Variants in SGCD observed in about 807,000 individuals in gnomAD.
SGCD encodes the protein delta-sarcoglycan.
A neutral mutation model predicts 36.6 loss-of-function variants in SGCD; 18 were observed. That is an observed-to-expected ratio of 0.49 (90% CI 0.34 to 0.73). The LOEUF is 0.73. Ranked by LOEUF, SGCD falls within the 30% of genes least tolerant of loss-of-function variation. The pLI is 0.01. For synonymous variants in SGCD, 133 were observed against 130.6 expected, an observed-to-expected ratio of 1.02 and a Z score of -0.12; for missense variants, 387 against 346.7, an observed-to-expected ratio of 1.12 and a Z score of -0.92.
chr5:156,522,308 G>A (rs978786175), intron 4 of SGCD, among the ~76,000 whole-genome samples: 4 of 152,014 alleles, frequency 2.6e-5, no homozygotes, highest in East Asian at 1.9e-4. Flanking sequence ...AAACCTGCAC[G>A]TTGTGCACAT....
intron 1 of SGCD, among the ~76,000 whole-genome samples, chr5:155,972,104 A>T (rs913154131): frequency 2.6e-5 from 4 of 152,206 alleles, no homozygotes; most frequent in African/African-American, 9.6e-5. Context: ...CATATGCCAA[A>T]AGCCTTTTAA....
chr5:155,784,717 G>T, the SGCD span, among the ~76,000 whole-genome samples: 1 of 146,098 alleles, frequency 6.8e-6, no homozygotes, highest in Non-Finnish European at 1.5e-5. Context: ...AAGAGTATAT[G>T]TTAAAAGTGT....
intron 1 of SGCD, among the ~76,000 whole-genome samples, chr5:156,110,537 C>T (rs949312512): frequency 6.6e-6 from 1 of 151,702 alleles, no homozygotes; most frequent in Non-Finnish European, 1.5e-5. Flanking sequence ...TGAGGGTTCT[C>T]GGGGACTGTA....
intron 1 of SGCD, among the ~76,000 whole-genome samples, chr5:155,981,805 G>A (rs1758235174): frequency 6.6e-6 from 1 of 152,152 alleles, no homozygotes; most frequent in African/African-American, 2.4e-5. Context: ...GAATTCTTTT[G>A]AGACTTGGCA....
intron 1 of SGCD, among the ~76,000 whole-genome samples, chr5:155,968,369 A>G (rs1757942234): frequency 6.6e-6 from 1 of 152,114 alleles, no homozygotes; most frequent in African/African-American, 2.4e-5. Context: ...CTATATGAGT[A>G]TATATAAATA....
chr5:155,948,896 C>T (rs550352724), intron 1 of SGCD, among the ~76,000 whole-genome samples: 1 of 152,256 alleles, frequency 6.6e-6, no homozygotes, highest in East Asian at 1.9e-4. Flanking sequence ...TTTGGCTGAA[C>T]TAATTAGTCA....
At chr5:156,661,786 C>T (rs1043544808) in intron 7 of SGCD, among the ~76,000 whole-genome samples, 2 of 151,780 alleles carry the variant, frequency 1.3e-5, no homozygotes, top group Non-Finnish European at 2.9e-5. Context: ...CTAACTTGTT[C>T]CTTGGTTAAA....
chr5:156,013,027 T>G (rs1408725822), intron 1 of SGCD, among the ~76,000 whole-genome samples: 1 of 149,938 alleles, frequency 6.7e-6, no homozygotes, highest in African/African-American at 2.4e-5. Context: ...TTTAGGTGTT[T>G]TTTTTTTTTT....
chr5:156,592,477 G>C (rs1346290468), intron 5 of SGCD, among the ~76,000 whole-genome samples: 1 of 152,122 alleles, frequency 6.6e-6, no homozygotes, highest in Admixed American at 6.6e-5. Flanking sequence ...GGACATCTCA[G>C]CTCTTTCAAG....
chr5:155,766,284 C>G, the SGCD span, among the ~76,000 whole-genome samples: 1 of 152,264 alleles, frequency 6.6e-6, no homozygotes, highest in African/African-American at 2.4e-5. Context: ...TTGAACAGCT[C>G]ACACAGCGGC....
intron 3 of SGCD, among the ~76,000 whole-genome samples, chr5:156,443,539 T>C (rs569417329): frequency 1.3e-4 from 20 of 152,206 alleles, no homozygotes; most frequent in African/African-American, 4.6e-4. Flanking sequence ...CTCATGATCA[T>C]CTATTGAAGT....
chr5:156,612,157 C>T (rs1439172613), intron 6 of SGCD, among the ~76,000 whole-genome samples: 1 of 152,038 alleles, frequency 6.6e-6, no homozygotes, highest in Non-Finnish European at 1.5e-5. Context: ...TCTTGTACCC[C>T]TATGTTGATA....
intron 1 of SGCD, among the ~76,000 whole-genome samples, chr5:155,948,150 G>A (rs1757476638): frequency 6.6e-6 from 1 of 152,050 alleles, no homozygotes; most frequent in Admixed American, 6.6e-5. Context: ...GGTGGTGCAT[G>A]CCTGTAGTCC....
At chr5:156,628,013 A>C (rs2113522289) in intron 6 of SGCD, among the ~76,000 whole-genome samples, 1 of 152,286 alleles carries the variant, frequency 6.6e-6, no homozygotes, top group African/African-American at 2.4e-5. Flanking sequence ...AGGATGTATG[A>C]GAAGCATGAT....
At chr5:156,308,538 T>C (rs921791813) in intron 3 of SGCD, among the ~76,000 whole-genome samples, 5 of 152,116 alleles carry the variant, frequency 3.3e-5, no homozygotes, top group Admixed American at 6.5e-5. Context: ...GACCATGTGA[T>C]CCACCTGCCT....
chr5:156,127,244 A>G (rs1762194650), intron 3 of SGCD, among the ~76,000 whole-genome samples: 1 of 152,200 alleles, frequency 6.6e-6, no homozygotes, highest in South Asian at 2.1e-4. Flanking sequence ...CAAAATGGAA[A>G]AAATAGATAT....
At chr5:155,739,550 T>C in the SGCD span, among the ~76,000 whole-genome samples, 1 of 152,222 alleles carries the variant, frequency 6.6e-6, no homozygotes, top group African/African-American at 2.4e-5. Context: ...TCTATGGCTG[T>C]TGTTAAATTA....
At chr5:156,100,987 C>A (rs569009410) in intron 1 of SGCD, among the ~76,000 whole-genome samples, 2 of 152,172 alleles carry the variant, frequency 1.3e-5, no homozygotes, top group Admixed American at 6.5e-5. Context: ...TGTTATTAGG[C>A]CTGGAGAGTG....
intron 3 of SGCD, among the ~76,000 whole-genome samples, chr5:156,128,783 T>C (rs1762241853): frequency 6.6e-6 from 1 of 152,346 alleles, no homozygotes; most frequent in South Asian, 2.1e-4. Context: ...TTTCCAGAAC[T>C]GTGAGTCAAT....
Sources: allele counts gnomAD v4.1 joint callset (sites outside exome capture counted in the v4.1 genomes callset), GRCh38; gene constraint gnomAD v4.1.1; transcripts MANE v1.5; gene names NCBI Gene and HGNC (gene_info 2026-07-23, HGNC 2026-07-21).